The following RP1L1 variants were observed in gnomAD, a reference collection of about 807,000 sequenced individuals.
The protein encoded by RP1L1 is retinitis pigmentosa 1-like 1 protein.
A neutral mutation model predicts 15.7 loss-of-function variants in RP1L1; 27 were observed. The ratio of observed to expected loss-of-function variants is 1.72; its 90% CI spans 1.27 to 2.38. The LOEUF is 2.38. Among genes scored for constraint, RP1L1 ranks in the 30% most tolerant of loss-of-function variants. RP1L1 has a pLI of 0.00. For missense variants in RP1L1, 4,798 were observed against 3,075.9 expected (o/e 1.56, Z -13.24); for synonymous variants, 1,813 against 1,276.7 (o/e 1.42, Z -8.96).
chr8:10,644,633 A>T (rs1798450587), intron 1 of RP1L1, among the ~76,000 whole-genome samples: 1 of 152,172 alleles, frequency 6.6e-6, no homozygotes, highest in African/African-American at 2.4e-5. Context: ...TTCCATCAAC[A>T]AAACCAGAAC....
intron 1 of RP1L1, among the ~76,000 whole-genome samples, chr8:10,631,225 A>C (rs1038455137): frequency 2.0e-5 from 3 of 149,754 alleles, no homozygotes; most frequent in Non-Finnish European, 4.5e-5. Context: ...ACACACACAA[A>C]CGCACACACG....
chr8:10,617,531 T>A (rs1181417491), intron 2 of RP1L1, among the ~76,000 whole-genome samples: 1 of 148,312 alleles, frequency 6.7e-6, no homozygotes, highest in Non-Finnish European at 1.5e-5. Context: ...TTTTTGTTTT[T>A]TTCTGTTTCT....
chr8:10,623,397 G>A (rs118071566), intron 1 of RP1L1, among the ~76,000 whole-genome samples, 177 bp from the exon 2 acceptor site: 1 of 152,306 alleles, frequency 6.6e-6, no homozygotes, highest in East Asian at 1.9e-4. Context: ...TTGGGCATGG[G>A]ACAGATCTGA....
rs1469538188 is a variant in RP1L1, at chr8:10,607,234, G to A, written c.6864C>T (p.Pro2288=). 1 of 1,614,048 alleles carries A rather than the reference G, an allele frequency of 6.2e-7. No homozygotes were observed. The highest frequency in any genetic ancestry group is 8.5e-7 in the Non-Finnish European group (1 of 1,180,004). ...TPPPSPGGDT[P]HQRPGSQTGP... is the part of the protein sequence containing the mutation. ...CTGTTTGGGAGCCTGGCCTTTGGTG[G>A]GGAGTGTCTCCACCTGGGGAAGGGG... The change falls in exon 4 of 4, where the codon CCC becomes CCT. Residue 2288 remains proline, a synonymous_variant. Transcript: ENST00000382483.
chr8:10,623,064 A>G lies in RP1L1; in HGVS notation c.138T>C (p.Phe46=), dbSNP rs772128758. 4 of 1,614,106 alleles carry G rather than the reference A, an allele frequency of 2.5e-6. No individual in the cohort carries two copies. The Admixed American group carries it at 6.7e-5, about 27-fold the overall frequency. Residue 46 remains phenylalanine, a synonymous_variant, in exon 2 of 4, where the codon TTT becomes TTC. Coordinates refer to ENST00000382483, the MANE Select transcript of RP1L1 (RefSeq NM_178857.6). ...GGTGAACGGCCAGGCGGACCCCAGC[A>G]AACCGTGGATCCCCTCGCTTGAGGA... is the stretch of plus-strand genomic sequence containing the variant. ...ITFLKRGDPR[F]AGVRLAVHQR...
rs1250621442 is a variant in RP1L1 at position 10,613,156 on chromosome 8, G to A, written c.942C>T (p.Arg314=). 1 of 1,613,854 alleles carries A rather than the reference G, an allele frequency of 6.2e-7. No individual in the cohort carries two copies. Among genetic ancestry groups the A allele is most frequent in the Non-Finnish European group, 8.5e-7 (1 of 1,180,042 alleles). Reference sequence around the variant, plus strand: ...CGGACAGGCTGCCGTCCTCATTCATGCGGACCTTCTTCTTCATGTCATCGC... The same window carrying A: ...CGGACAGGCTGCCGTCCTCATTCATACGGACCTTCTTCTTCATGTCATCGC... ...VAGDDMKKKV[R]MNEDGSLSVE... The change falls in exon 4 of 4, where the codon CGC becomes CGT. Residue 314 remains arginine (R), a synonymous_variant. Transcript: ENST00000382483.
chr8:10,631,237 A>C (rs1008797961), intron 1 of RP1L1, among the ~76,000 whole-genome samples: 13 of 151,822 alleles, frequency 8.6e-5, no homozygotes, highest in African/African-American at 3.1e-4. Flanking sequence ...GCACACACGT[A>C]CACACATGCA....
At chr8:10,627,236 C>T (rs1798173012) in intron 1 of RP1L1, among the ~76,000 whole-genome samples, 1 of 152,182 alleles carries the variant, frequency 6.6e-6, no homozygotes. Context: ...ACAACCCAAA[C>T]ATTCATCCGC....
intron 1 of RP1L1, among the ~76,000 whole-genome samples, chr8:10,636,866 G>T (rs1041504788): frequency 5.9e-5 from 9 of 152,190 alleles, no homozygotes; most frequent in African/African-American, 1.9e-4. Flanking sequence ...GAAGCTGCAG[G>T]TCACCTGGAT....
At chr8:10,626,935 G>C (rs1585985290) in intron 1 of RP1L1, among the ~76,000 whole-genome samples, 2 of 152,224 alleles carry the variant, frequency 1.3e-5, no homozygotes, top group African/African-American at 4.8e-5. Context: ...AAAAAGGAGA[G>C]ACCACAGTGA....
intron 1 of RP1L1, among the ~76,000 whole-genome samples, chr8:10,645,686 C>T (rs1409684415): frequency 2.0e-5 from 3 of 152,158 alleles, no homozygotes; most frequent in South Asian, 2.1e-4. Flanking sequence ...CGCGAGGCTG[C>T]GAGCATTGGG....
intron 1 of RP1L1, among the ~76,000 whole-genome samples, chr8:10,635,926 G>A (rs774762082): frequency 4.6e-5 from 7 of 152,316 alleles, no homozygotes; most frequent in African/African-American, 7.2e-5. Flanking sequence ...GCACCAACCC[G>A]CGGACAAAAC....
At position 10,622,993 on chromosome 8, in the gene RP1L1, TGGGA is replaced by T; in HGVS notation, c.205_208del (p.Gln70AlafsTer86). 6.2e-7 allele frequency: 1 copy of T among 1,614,102 alleles called. No homozygotes were observed. The highest frequency in any genetic ancestry group is 1.7e-5 in the Admixed American group (1 of 60,024). On this transcript the variant is annotated frameshift_variant, in exon 2 of 4. Transcript: ENST00000382483. LOFTEE classifies it high-confidence loss of function. ...CACCCCAAAGGAGAGAGGCACGCGC[TGGGA>T]GAGCTCGTCCATGAGGGCGCTGAAG...
Position 10,612,014 on chromosome 8 carries a change from G to A in RP1L1, c.2084C>T (p.Ala695Val). The change falls in exon 4 of 4, where the codon GCC (alanine) becomes GTC (valine). Residue 695 changes from alanine (A) to valine (V), a missense_variant. Physicochemically the swap from Ala to Val is moderately conservative, Grantham distance 64 (BLOSUM62 0). Coordinates refer to ENST00000382483, the MANE Select transcript of RP1L1 (RefSeq NM_178857.6). ...QVPRPPERRR[A>V]CQDGSVPRYS... ...TCGTGGCACTGAGCCATCCTGGCAG[G>A]CCCTTCGCCGCTCAGGAGGCCTCGG... 3 of 1,613,888 alleles carry A rather than the reference G, an allele frequency of 1.9e-6. No individual in the cohort carries two copies. The highest frequency in any genetic ancestry group is 1.7e-6 in the Non-Finnish European group (2 of 1,180,036).
chr8:10,642,424 C>A (rs1798420452), intron 1 of RP1L1, among the ~76,000 whole-genome samples: 1 of 152,200 alleles, frequency 6.6e-6, no homozygotes. Context: ...ACCCTTCCCC[C>A]CTTGCTCCTT....
intron 1 of RP1L1, among the ~76,000 whole-genome samples, chr8:10,624,467 T>C (rs1798125650): frequency 1.3e-5 from 2 of 152,342 alleles, no homozygotes; most frequent in South Asian, 2.1e-4. Flanking sequence ...GAAGTCCTCC[T>C]GGAGGAGGTG....
At position 10,611,016 on chromosome 8, in the gene RP1L1, G is replaced by A. The variant is rs752662816; in HGVS notation, c.3082C>T (p.Leu1028Phe). ...GGACCAGTGTCACTACTCCCCAGGA[G>A]GGCTCCCTCTGGCTCTGGGTCCTGG... The part of the protein sequence containing the change: ...PGQDPEPEGA[L>F]LGSSDTGPQS... Residue 1028 changes from leucine (L) to phenylalanine (F), a missense_variant, in exon 4 of 4, where the codon CTC (leucine) becomes TTC (phenylalanine). By Grantham distance (22) the Leu-to-Phe change is conservative. Transcript: ENST00000382483. 1.9e-6 allele frequency: 3 copies of A among 1,612,758 alleles called. No homozygotes were observed. Among genetic ancestry groups the A allele is most frequent in the African/African-American group, 1.3e-5 (1 of 75,044 alleles).
rs774638276 is a variant in RP1L1, at chr8:10,613,355, C to G, written c.752-9G>C. ...CTTTGGCCCCCAGCTCCCTGGCACGCAGTGAAGAGGAAAAGAAAAGAAGAA... is the reference window on the plus strand; with the variant it reads ...CTTTGGCCCCCAGCTCCCTGGCACGGAGTGAAGAGGAAAAGAAAAGAAGAA... On this transcript the variant is annotated splice_polypyrimidine_tract_variant and intron_variant, in intron 3 of 3. Transcript: ENST00000382483. 2.5e-6 allele frequency: 4 copies of G among 1,599,236 alleles called. No individual in the cohort carries two copies. In the African/African-American group the frequency reaches 4.0e-5, roughly 16 times the overall value.
chr8:10,639,795 C>G (rs546565583), intron 1 of RP1L1, among the ~76,000 whole-genome samples: 21 of 152,218 alleles, frequency 1.4e-4, no homozygotes, highest in African/African-American at 4.8e-4. Flanking sequence ...AAGGAATCCC[C>G]ACACGACAAA....
Sources: allele counts gnomAD v4.1 joint callset (sites outside exome capture counted in the v4.1 genomes callset), GRCh38; gene constraint gnomAD v4.1.1; transcripts MANE v1.5; gene names NCBI Gene and HGNC (gene_info 2026-07-23, HGNC 2026-07-21).